Variants in PFKFB4 observed in about 807,000 individuals in gnomAD.
The protein encoded by PFKFB4 is 6-phosphofructo-2-kinase/fructose-2,6-bisphosphatase 4.
In PFKFB4, 42 loss-of-function variants were observed where a neutral mutation model predicts 62.8. That is an observed-to-expected ratio of 0.67 (90% CI 0.52 to 0.86). The LOEUF is 0.86. Ranked by LOEUF, PFKFB4 falls within the 40% of genes least tolerant of loss-of-function variation. The probability of loss-of-function intolerance (pLI) is 0.00; values close to 1 mark genes in which losing one functional copy is unlikely to be tolerated. For missense variants in PFKFB4, 475 were observed against 627.2 expected (o/e 0.76, Z 2.59); for synonymous variants, 204 against 240.7 (o/e 0.85, Z 1.41).
At chr3:48,559,690 G>A (rs1251510886), upstream of PFKFB4, 11 of 428,242 alleles carry the variant, frequency 2.6e-5, no homozygotes, top group Admixed American at 9.7e-5. Flanking sequence ...CTGTACACAC[G>A]TGTGAACATG....
chr3:48,539,845 C>T, intron 4 of PFKFB4, 74 bp from the exon 5 acceptor site: 1 of 1,160,090 alleles, frequency 8.6e-7, no homozygotes, highest in Non-Finnish European at 1.3e-6. Flanking sequence ...CTGAAGTGGG[C>T]AGTGAGGGCC....
At chr3:48,556,862 C>T (rs2107612487), upstream of PFKFB4, 1 of 1,484,708 alleles carries the variant, frequency 6.7e-7, no homozygotes, top group South Asian at 1.3e-5. This position sits in a 1 kb window ranked among gnomAD's most constrained non-coding sequence, Gnocchi z 5.7. Context: ...GCCCCTTGGG[C>T]CCCGCCCCTC....
At chr3:48,532,297 G>A (rs1303308216) in intron 9 of PFKFB4, among the ~76,000 whole-genome samples, 2 of 152,138 alleles carry the variant, frequency 1.3e-5, no homozygotes, top group South Asian at 2.1e-4. Flanking sequence ...GCGACAGAGC[G>A]AGATTCCGTT....
chr3:48,537,550 G>T (rs2042663592), intron 7 of PFKFB4, among the ~76,000 whole-genome samples: 1 of 138,918 alleles, frequency 7.2e-6, no homozygotes, highest in Non-Finnish European at 1.5e-5. Context: ...TTGAGACAGG[G>T]TCTCACTCTG....
At chr3:48,538,856 T>C (rs922732964) in intron 6 of PFKFB4, among the ~76,000 whole-genome samples, 1 of 152,168 alleles carries the variant, frequency 6.6e-6, no homozygotes, top group African/African-American at 2.4e-5. Context: ...ATCCTTGTGG[T>C]ACAGGGGGAG....
At chr3:48,533,803 G>A (rs2042506597) in intron 9 of PFKFB4, among the ~76,000 whole-genome samples, 1 of 152,148 alleles carries the variant, frequency 6.6e-6, no homozygotes, top group Non-Finnish European at 1.5e-5. Context: ...GCAGTGAGCC[G>A]AGATCGTGCC....
At position 48,536,357 on chromosome 3, in the gene PFKFB4, C is replaced by A; in HGVS notation, c.739G>T (p.Val247Leu). Residue 247 changes from valine (V) to leucine (L), a missense_variant, in exon 8 of 14, where the codon GTG (valine) becomes TTG (leucine). Transcript: ENST00000232375. ...CAGAGGTAGATGGAGCGGGGGGTCA[C>A]GTGGATGTTCATGAGGTAATATACG... The part of the protein sequence containing the change: ...RIVYYLMNIH[V>L]TPRSIYLCRH... 6.2e-7 allele frequency: 1 copy of A among 1,614,174 alleles called. No individual in the cohort carries two copies. The highest frequency in any genetic ancestry group is 8.5e-7 in the Non-Finnish European group (1 of 1,180,030).
At chr3:48,530,272 A>T (rs184646677) in intron 9 of PFKFB4, among the ~76,000 whole-genome samples, 1 of 152,116 alleles carries the variant, frequency 6.6e-6, no homozygotes, top group Non-Finnish European at 1.5e-5. Flanking sequence ...ATAAATAAAT[A>T]AAAATAAAAT....
chr3:48,533,945 G>A (rs1232094879), intron 9 of PFKFB4, among the ~76,000 whole-genome samples: 3 of 152,238 alleles, frequency 2.0e-5, no homozygotes, highest in Non-Finnish European at 4.4e-5. Flanking sequence ...AGGGAAGCAA[G>A]CTGAGGGGAG....
chr3:48,538,584 G>A lies in PFKFB4; in HGVS notation c.546C>T (p.Arg182=), dbSNP rs529835629. The A allele has an allele frequency of 2.2e-5, 36 of 1,614,172 alleles. No homozygotes were observed. Among genetic ancestry groups the A allele is most frequent in the Middle Eastern group, 3.3e-4 (2 of 6,062 alleles). The change falls in exon 7 of 14, where the codon CGC becomes CGT. Residue 182 remains arginine (R), a synonymous_variant. Transcript: ENST00000232375. ...VKLGSPDYVN[R]DSDEATEDFM... The stretch of plus-strand genomic sequence containing the variant: ...AGTCCTCCGTAGCCTCATCACTGTC[G>A]CGGTTGACATAGTCAGGGCTGCCCA...
chr3:48,553,616 G>A (rs1199172493), intron 1 of PFKFB4, among the ~76,000 whole-genome samples: 2 of 152,252 alleles, frequency 1.3e-5, no homozygotes, highest in Non-Finnish European at 2.9e-5. Context: ...AGGGGCCCAA[G>A]GGGCCTGAGA....
chr3:48,528,804 AT>A (rs2042343030), intron 9 of PFKFB4, among the ~76,000 whole-genome samples: 2 of 152,230 alleles, frequency 1.3e-5, no homozygotes, highest in Non-Finnish European at 2.9e-5. Flanking sequence ...ATAGGATGTT[AT>A]TTGGCAATGT....
chr3:48,539,876 A>G, intron 4 of PFKFB4, 105 bp from the exon 5 acceptor site: 1 of 877,840 alleles, frequency 1.1e-6, no homozygotes. Context: ...CTCTCTGGGG[A>G]CTGGATTTCT....
chr3:48,562,841 G>A (rs769732102), upstream of PFKFB4: 17 of 1,583,266 alleles, frequency 1.1e-5, no homozygotes, highest in Non-Finnish European at 1.4e-5. The surrounding 1 kb of genome is among the most constrained non-coding windows in gnomAD (Gnocchi z 4.3). Flanking sequence ...CTGCTCCCTG[G>A]CAGCCCTGGC....
intron 7 of PFKFB4, among the ~76,000 whole-genome samples, chr3:48,537,673 C>A (rs1264445178): frequency 6.6e-6 from 1 of 151,676 alleles, no homozygotes; most frequent in Admixed American, 6.6e-5. Context: ...TACAGCCATG[C>A]GCCACCACAC....
At chr3:48,543,749 C>T in intron 3 of PFKFB4, 103 bp from the exon 4 acceptor site, 1 of 827,610 alleles carries the variant, frequency 1.2e-6, no homozygotes, top group East Asian at 2.6e-5. Context: ...GAAGGAACAG[C>T]CCCGAGGTCT....
At chr3:48,533,302 T>C (rs1256211145) in intron 9 of PFKFB4, among the ~76,000 whole-genome samples, 4 of 152,140 alleles carry the variant, frequency 2.6e-5, no homozygotes, top group African/African-American at 7.2e-5. Context: ...TGCATAACAA[T>C]GTAAATGTAC....
chr3:48,557,776 A>T (rs1012171408), upstream of PFKFB4, among the ~76,000 whole-genome samples: 9 of 152,084 alleles, frequency 5.9e-5, no homozygotes, highest in Non-Finnish European at 1.5e-5. Context: ...ACCTCAGGTG[A>T]TACGCCCTCC....
intron 9 of PFKFB4, among the ~76,000 whole-genome samples, chr3:48,527,470 A>T (rs556587396): frequency 1.3e-5 from 2 of 151,780 alleles, no homozygotes; most frequent in South Asian, 2.1e-4. Context: ...TGGTACCAGG[A>T]GGTGAAGTGC....
Sources: allele counts gnomAD v4.1 joint callset (sites outside exome capture counted in the v4.1 genomes callset), GRCh38; gene constraint gnomAD v4.1.1; non-coding constraint Gnocchi (gnomAD v3.1); transcripts MANE v1.5; gene names NCBI Gene and HGNC (gene_info 2026-07-23, HGNC 2026-07-21).